Variants in MICAL3 observed in about 807,000 individuals in gnomAD.
MICAL3 encodes the protein [F-actin]-monooxygenase MICAL3.
Under a neutral mutation model 207.4 loss-of-function variants are expected in MICAL3, and 62 were observed. That is an observed-to-expected ratio of 0.30 (90% CI 0.24 to 0.37). The LOEUF is 0.37. Among genes scored for constraint, MICAL3 ranks in the 10% least tolerant of loss-of-function variants. The pLI is 1.00. For missense variants in MICAL3, 2,368 were observed against 2,635.6 expected (o/e 0.90, Z 2.22); for synonymous variants, 1,077 against 1,069.3 (o/e 1.01, Z -0.14).
At chr22:17,873,114 G>A (rs1225547583) in intron 16 of MICAL3, among the ~76,000 whole-genome samples, 1 of 152,228 alleles carries the variant, frequency 6.6e-6, no homozygotes, top group South Asian at 2.1e-4. Flanking sequence ...GAAGAACTGG[G>A]TCTCTCCCAT....
At chr22:17,809,857 G>T (rs1436151934) in intron 28 of MICAL3, among the ~76,000 whole-genome samples, 1 of 151,958 alleles carries the variant, frequency 6.6e-6, no homozygotes, top group Admixed American at 6.6e-5. Context: ...CAAGGGATTC[G>T]GGAAACTCAA....
At chr22:17,958,849 G>A (rs1007535912) in intron 1 of MICAL3, among the ~76,000 whole-genome samples, 3 of 151,628 alleles carry the variant, frequency 2.0e-5, no homozygotes, top group Non-Finnish European at 4.4e-5. Context: ...GATTAGAGGC[G>A]TCCGCCACCA....
chr22:17,802,304 A>G (rs575617591), intron 29 of MICAL3, among the ~76,000 whole-genome samples: 1 of 152,302 alleles, frequency 6.6e-6, no homozygotes, highest in African/African-American at 2.4e-5. Context: ...GGCTCAAATG[A>G]TACACCTGCC....
At chr22:17,966,579 A>G (rs1935153349) in intron 1 of MICAL3, among the ~76,000 whole-genome samples, 1 of 152,206 alleles carries the variant, frequency 6.6e-6, no homozygotes, top group African/African-American at 2.4e-5. Context: ...GCTTCAGAGC[A>G]CAGGCTTGGG....
At chr22:17,882,360 G>C (rs1929515820) in intron 16 of MICAL3, among the ~76,000 whole-genome samples, 1 of 152,126 alleles carries the variant, frequency 6.6e-6, no homozygotes, top group African/African-American at 2.4e-5. Flanking sequence ...ATGCCCTCCT[G>C]CCTCTGAACC....
chr22:17,900,773 C>T lies in MICAL3; in HGVS notation c.847+69G>A, dbSNP rs1177489370. On this transcript the variant is annotated intron_variant, in intron 6 of 31. Transcript: ENST00000441493. This position sits in a 1 kb window ranked among gnomAD's most constrained non-coding sequence, Gnocchi z 4.0. Reference sequence around the variant, plus strand: ...ACCGACGGCCACTCACCCCACCAATCCCCCAAGAAAAAGCCACCAGGGACT... The same window carrying T: ...ACCGACGGCCACTCACCCCACCAATTCCCCAAGAAAAAGCCACCAGGGACT... 1 of 1,447,756 alleles carries T rather than the reference C, an allele frequency of 6.9e-7. No homozygotes were observed. The highest frequency in any genetic ancestry group is 1.4e-5 in the African/African-American group (1 of 71,260). The allele number at this position is 1,447,756 out of a possible 1,614,324, so 89.7% of individuals were successfully genotyped here. A position where few individuals can be genotyped will look rare whatever the true frequency, so the allele number is the denominator to read the frequency against.
At chr22:18,000,559 G>A (rs1046291720) in intron 1 of MICAL3, among the ~76,000 whole-genome samples, 2 of 152,210 alleles carry the variant, frequency 1.3e-5, no homozygotes, top group South Asian at 2.1e-4. Context: ...CAGGCGGAGG[G>A]TCTCGCTGCG....
chr22:17,836,158 C>T (rs1923341387), intron 20 of MICAL3, among the ~76,000 whole-genome samples: 1 of 152,234 alleles, frequency 6.6e-6, no homozygotes, highest in Non-Finnish European at 1.5e-5. Flanking sequence ...CCAACAGGCA[C>T]ATGCACTTGA....
chr22:17,942,819 CT>C (rs1933874765), intron 1 of MICAL3, among the ~76,000 whole-genome samples: 1 of 152,230 alleles, frequency 6.6e-6, no homozygotes. Context: ...GGGTGCTGCC[CT>C]AAGAGACTTG....
intron 19 of MICAL3, chr22:17,864,566 C>A (rs375492420): frequency 1.4e-5 from 21 of 1,460,144 alleles, no homozygotes; most frequent in Non-Finnish European, 1.9e-5. Context: ...TCTACCTACA[C>A]AGGACCTGGG....
At chr22:17,880,768 G>A (rs1404995758) in intron 16 of MICAL3, among the ~76,000 whole-genome samples, 2 of 152,180 alleles carry the variant, frequency 1.3e-5, no homozygotes, top group Non-Finnish European at 2.9e-5. Flanking sequence ...TGGGCAAGAG[G>A]CAGAGCTCCC....
chr22:17,927,692 C>T (rs987521828), intron 1 of MICAL3, among the ~76,000 whole-genome samples: 1 of 152,184 alleles, frequency 6.6e-6, no homozygotes, highest in Non-Finnish European at 1.5e-5. Flanking sequence ...CGTGCACACA[C>T]TTCTCTGAAC....
intron 29 of MICAL3, among the ~76,000 whole-genome samples, chr22:17,808,344 C>T (rs776183414): frequency 1.3e-5 from 2 of 152,168 alleles, no homozygotes; most frequent in African/African-American, 2.4e-5. Flanking sequence ...CCTGGGTGCC[C>T]TCTGGAAATC....
intron 1 of MICAL3, among the ~76,000 whole-genome samples, chr22:18,016,054 C>T (rs1158198004): frequency 1.3e-5 from 2 of 152,052 alleles, no homozygotes; most frequent in African/African-American, 2.4e-5. Context: ...TATGGCTTTT[C>T]CTATATAGTG....
chr22:17,904,883 A>T (rs1380970123), intron 2 of MICAL3, 44 bp from the exon 3 acceptor site: 1 of 1,368,352 alleles, frequency 7.3e-7, no homozygotes, highest in Admixed American at 1.7e-5. Flanking sequence ...ACTTCCAACA[A>T]ACAATTCTCA....
intron 1 of MICAL3, among the ~76,000 whole-genome samples, chr22:18,022,251 G>T (rs7286747): frequency 6.6e-6 from 1 of 151,902 alleles, no homozygotes; most frequent in Non-Finnish European, 1.5e-5. Context: ...TTTTACCCTG[G>T]GACTCCAATT....
At position 17,864,965 on chromosome 22, in the gene MICAL3, C is replaced by A. The variant is rs904657909; in HGVS notation, c.2539G>T (p.Asp847Tyr). 6.2e-7 allele frequency: 1 copy of A among 1,608,540 alleles called. No individual in the cohort carries two copies. Among genetic ancestry groups the A allele is most frequent in the Admixed American group, 1.7e-5 (1 of 59,904 alleles). ...CCGTTTGCATCTGTGGTGGCGCCAT[C>A]CTGCAGGGGTCCTTTGGCCTCCTAG... ...SGKEAKGPLQDGATTDANGRA... is the reference protein window; with the variant it reads ...SGKEAKGPLQYGATTDANGRA... The change falls in exon 19 of 32, where the codon GAT becomes TAT. Residue 847 changes from aspartate (D) to tyrosine (Y), a missense_variant. Around this residue, in one of 4 missense-constraint regions of MICAL3, gnomAD observed 1,770 missense variants for 1,863.2 expected, o/e 0.95. Coordinates refer to ENST00000441493, the MANE Select transcript of MICAL3 (RefSeq NM_015241.3).
chr22:17,982,661 A>G (rs1020145155), intron 1 of MICAL3, among the ~76,000 whole-genome samples: 2 of 151,638 alleles, frequency 1.3e-5, no homozygotes, highest in African/African-American at 4.9e-5. Context: ...ACAGAGTAAG[A>G]CTTCATCTCA....
chr22:17,916,460 G>A (rs572298233), intron 1 of MICAL3, among the ~76,000 whole-genome samples: 8 of 152,208 alleles, frequency 5.3e-5, no homozygotes, highest in South Asian at 2.1e-4. Context: ...AGCAAAACTC[G>A]CTGAAAGAAT....
Sources: gnomAD v4.1 joint callset for allele counts (sites outside exome capture counted in the v4.1 genomes callset) on GRCh38, gnomAD v4.1.1 for gene constraint, gnomAD v4.1.1 regional missense constraint, Gnocchi (gnomAD v3.1) non-coding constraint, MANE v1.5 for transcripts, NCBI Gene and HGNC (gene_info 2026-07-23, HGNC 2026-07-21) for gene names.